The following GRM8 variants were observed in gnomAD, a reference collection of about 807,000 sequenced individuals.
The protein encoded by GRM8 is metabotropic glutamate receptor 8.
GRM8 carries 47 observed loss-of-function variants against 87.2 expected under a neutral mutation model. The ratio of observed to expected loss-of-function variants is 0.54; its 90% CI spans 0.43 to 0.69. The LOEUF is 0.69. Among genes scored for constraint, GRM8 ranks in the 30% least tolerant of loss-of-function variants. The pLI is 0.00. For missense variants in GRM8, 1,019 were observed against 1,139.2 expected (o/e 0.89, Z 1.52); for synonymous variants, 396 against 404.5 (o/e 0.98, Z 0.25).
At chr7:127,031,364 A>T (rs189632482) in intron 3 of GRM8, among the ~76,000 whole-genome samples, 2 of 152,092 alleles carry the variant, frequency 1.3e-5, no homozygotes, top group East Asian at 3.9e-4. Context: ...CCCTATTTAT[A>T]CTATTTTTTT....
intron 3 of GRM8, among the ~76,000 whole-genome samples, chr7:127,061,406 C>G (rs1162237547): frequency 6.6e-6 from 1 of 152,172 alleles, no homozygotes; most frequent in Non-Finnish European, 1.5e-5. Context: ...GATAGCTCAT[C>G]ATTTTTAACC....
intron 8 of GRM8, among the ~76,000 whole-genome samples, chr7:126,584,385 C>T (rs933092036): frequency 2.0e-5 from 3 of 151,998 alleles, no homozygotes; most frequent in African/African-American, 7.2e-5. Flanking sequence ...CCACCATGCC[C>T]GACTAATTTT....
At chr7:127,136,539 CA>C (rs1367643557) in intron 2 of GRM8, among the ~76,000 whole-genome samples, 1 of 152,002 alleles carries the variant, frequency 6.6e-6, no homozygotes, top group Non-Finnish European at 1.5e-5. Flanking sequence ...TGTGACAGAT[CA>C]GAGACTTCTC....
intron 2 of GRM8, among the ~76,000 whole-genome samples, chr7:127,211,697 C>T (rs1425541905): frequency 6.6e-6 from 1 of 152,142 alleles, no homozygotes; most frequent in African/African-American, 2.4e-5. Flanking sequence ...CAAGTTTACC[C>T]CCGCTTTGGC....
chr7:127,096,644 T>A (rs531119694), intron 3 of GRM8, among the ~76,000 whole-genome samples: 2 of 152,016 alleles, frequency 1.3e-5, no homozygotes, highest in Admixed American at 6.6e-5. Flanking sequence ...CCAATTCTTA[T>A]ACAATTGTTA....
chr7:126,932,503 A>G (rs1805864547), intron 3 of GRM8, among the ~76,000 whole-genome samples: 1 of 152,214 alleles, frequency 6.6e-6, no homozygotes, highest in Non-Finnish European at 1.5e-5. Flanking sequence ...ATCAACACAC[A>G]GGATTCTGAG....
intron 7 of GRM8, among the ~76,000 whole-genome samples, chr7:126,644,822 C>T (rs1312980497): frequency 6.6e-6 from 1 of 152,158 alleles, no homozygotes; most frequent in Non-Finnish European, 1.5e-5. Context: ...AATAGATAAC[C>T]ATTTTCCCAA....
At chr7:127,165,141 GATATATAT>G (rs3993578) in intron 2 of GRM8, among the ~76,000 whole-genome samples, 1,116 of 66,792 alleles carry the variant, frequency 0.017, 9 homozygotes, top group Non-Finnish European at 0.023. Flanking sequence ...CATGTAAACA[GATATATAT>G]ATATATATAT....
chr7:126,543,437 G>A (rs560680045), intron 8 of GRM8, among the ~76,000 whole-genome samples: 1 of 152,268 alleles, frequency 6.6e-6, no homozygotes, highest in South Asian at 2.1e-4. Context: ...ATTTTCCTAA[G>A]AAGAGTAGAA....
chr7:126,618,356 C>T (rs1391967553), intron 7 of GRM8, among the ~76,000 whole-genome samples: 3 of 152,140 alleles, frequency 2.0e-5, no homozygotes, highest in Admixed American at 6.6e-5. Context: ...CCCTTCCTTA[C>T]ACCTTATACA....
intron 7 of GRM8, among the ~76,000 whole-genome samples, chr7:126,688,130 TAGG>T (rs1185567196): frequency 6.6e-6 from 1 of 152,158 alleles, no homozygotes. Flanking sequence ...TCATATCCAG[TAGG>T]AGAAGATACA....
intron 2 of GRM8, among the ~76,000 whole-genome samples, chr7:127,241,104 A>G (rs932274774): frequency 2.8e-4 from 42 of 152,226 alleles, no homozygotes; most frequent in Admixed American, 2.3e-3. Context: ...TCTGCTTAGC[A>G]TCCTCCTTAT....
intron 6 of GRM8, among the ~76,000 whole-genome samples, chr7:126,849,988 T>C (rs1797070456): frequency 2.0e-5 from 3 of 152,194 alleles, no homozygotes. Flanking sequence ...CCTCTTTTGA[T>C]ACTACTTCAC....
intron 7 of GRM8, among the ~76,000 whole-genome samples, chr7:126,683,948 G>T (rs1807891709): frequency 6.6e-6 from 1 of 152,140 alleles, no homozygotes; most frequent in Non-Finnish European, 1.5e-5. Flanking sequence ...CCCAAATAAA[G>T]CCAAAAAGGC....
chr7:127,155,260 G>A (rs993655327), intron 2 of GRM8, among the ~76,000 whole-genome samples: 4 of 152,126 alleles, frequency 2.6e-5, no homozygotes, highest in Admixed American at 6.6e-5. Flanking sequence ...GGAGCACCGA[G>A]CAAGATACAT....
chr7:126,768,063 G>A (rs1352285797), intron 7 of GRM8, among the ~76,000 whole-genome samples: 1 of 151,932 alleles, frequency 6.6e-6, no homozygotes, highest in Admixed American at 6.6e-5. Context: ...TCATGGCCTG[G>A]CCTATTGCCC....
At chr7:127,082,689 G>A (rs1011193644) in intron 3 of GRM8, among the ~76,000 whole-genome samples, 2 of 152,098 alleles carry the variant, frequency 1.3e-5, no homozygotes, top group African/African-American at 4.8e-5. Flanking sequence ...CTGCGTAAAT[G>A]TTTCCTCGAT....
At position 126,536,170 on chromosome 7, in the gene GRM8, C is replaced by T. The variant is rs149825157; in HGVS notation, c.1495-2283G>A. Reference sequence around the variant, plus strand: ...ATCCAGAAGGCACACCCAGGGACAGCGACTGTATACTTCCAAAGCAGCCCG... The same window carrying T: ...ATCCAGAAGGCACACCCAGGGACAGTGACTGTATACTTCCAAAGCAGCCCG... On this transcript the variant is annotated intron_variant, in intron 8 of 10. Coordinates refer to ENST00000339582, the MANE Select transcript of GRM8 (RefSeq NM_000845.3). Among the ~76,000 whole-genome samples the T allele has an allele frequency of 3.5e-3, 534 of 152,300 alleles. 4 individuals carry two copies. Among genetic ancestry groups the T allele is most frequent in the African/African-American group, 0.012 (513 of 41,570 alleles).
At chr7:126,460,089 G>A (rs931544741) in intron 9 of GRM8, among the ~76,000 whole-genome samples, 4 of 151,564 alleles carry the variant, frequency 2.6e-5, no homozygotes, top group Admixed American at 2.0e-4. Context: ...AGATTCCCAT[G>A]AAGGTCAAAG....
Sources: allele counts gnomAD v4.1 joint callset (sites outside exome capture counted in the v4.1 genomes callset), GRCh38; gene constraint gnomAD v4.1.1; transcripts MANE v1.5; gene names NCBI Gene and HGNC (gene_info 2026-07-23, HGNC 2026-07-21).